The following SORCS1 variants were observed in gnomAD, a reference collection of about 807,000 sequenced individuals.
SORCS1 encodes the protein sortilin related VPS10 domain containing receptor 1, also known as VPS10 domain-containing receptor SorCS1.
In SORCS1, 60 loss-of-function variants were observed where a neutral mutation model predicts 146.1. The ratio of observed to expected loss-of-function variants is 0.41; its 90% CI spans 0.33 to 0.51. The LOEUF is 0.51. SORCS1 is among the 20% of genes least tolerant of loss of function. SORCS1 has a pLI of 0.21. For missense variants in SORCS1, 1,352 were observed against 1,487.6 expected, an observed-to-expected ratio of 0.91 and a Z score of 1.50; for synonymous variants, 637 against 584.0, an observed-to-expected ratio of 1.09 and a Z score of -1.31.
chr10:107,054,018 T>C (rs1029876866), intron 1 of SORCS1, among the ~76,000 whole-genome samples: 1 of 152,168 alleles, frequency 6.6e-6, no homozygotes, highest in Non-Finnish European at 1.5e-5. Context: ...CCCAAACAGA[T>C]TCAGATTGAA....
In SORCS1 at chr10:106,577,076, T is replaced by C. The variant is rs886677465; in HGVS notation, c.*344A>G. ...AGAGTATTGTCCACATGCACAGGCTTAAAGCTAAAAACCCTTGTTGTCTGT... is the reference window on the plus strand; with the variant it reads ...AGAGTATTGTCCACATGCACAGGCTCAAAGCTAAAAACCCTTGTTGTCTGT... On this transcript the variant is annotated 3_prime_UTR_variant, in exon 26 of 26. Coordinates refer to ENST00000263054, the MANE Select transcript of SORCS1 (RefSeq NM_052918.5). The C allele has an allele frequency of 3.3e-6, 2 of 605,914 alleles. No homozygotes were observed. Among genetic ancestry groups the C allele is most frequent in the Non-Finnish European group, 5.0e-6 (2 of 402,848 alleles). 37.5% of individuals were successfully genotyped at this position (605,914 alleles called of 1,614,324 possible). A position where few individuals can be genotyped will look rare whatever the true frequency, so the allele number is the denominator to read the frequency against.
At chr10:107,136,270 G>A (rs369996415) in intron 1 of SORCS1, among the ~76,000 whole-genome samples, 4 of 152,176 alleles carry the variant, frequency 2.6e-5, no homozygotes, top group Non-Finnish European at 5.9e-5. Context: ...ATATGCAGGG[G>A]AGAGGACAAA....
At chr10:107,177,087 A>G in the SORCS1 span, among the ~76,000 whole-genome samples, 1 of 152,000 alleles carries the variant, frequency 6.6e-6, no homozygotes. Context: ...TACTTTCATT[A>G]TTGTGAATTC....
chr10:106,649,627 T>C (rs1849712638), intron 18 of SORCS1, among the ~76,000 whole-genome samples: 2 of 152,324 alleles, frequency 1.3e-5, no homozygotes, highest in East Asian at 1.9e-4. Flanking sequence ...CTGTTAAATC[T>C]ATAGGTTAAT....
At chr10:106,874,595 G>T (rs755439507) in intron 2 of SORCS1, among the ~76,000 whole-genome samples, 1 of 152,212 alleles carries the variant, frequency 6.6e-6, no homozygotes, top group Non-Finnish European at 1.5e-5. Flanking sequence ...ACAAAACTGT[G>T]TTGCAGTAAA....
chr10:106,764,319 A>G (rs370142310), intron 4 of SORCS1, among the ~76,000 whole-genome samples: 7 of 152,228 alleles, frequency 4.6e-5, no homozygotes, highest in African/African-American at 1.4e-4. Flanking sequence ...CAACTCTGCC[A>G]TTCAAGTTAA....
intron 1 of SORCS1, among the ~76,000 whole-genome samples, chr10:106,957,221 T>C (rs1237144911): frequency 2.0e-5 from 3 of 148,012 alleles, no homozygotes; most frequent in African/African-American, 7.4e-5. Context: ...TTGCCCATAC[T>C]GGAGTGCAGT....
chr10:106,703,628 G>A (rs1854293620), intron 8 of SORCS1, among the ~76,000 whole-genome samples: 1 of 152,194 alleles, frequency 6.6e-6, no homozygotes. Context: ...TTCAGGAGTT[G>A]ATACAATGGT....
intron 22 of SORCS1, among the ~76,000 whole-genome samples, chr10:106,611,245 T>C (rs965956571): frequency 3.3e-5 from 5 of 152,166 alleles, no homozygotes; most frequent in African/African-American, 1.2e-4. Context: ...AGCCCAGACA[T>C]TGGACTCAGG....
At chr10:106,896,683 A>T (rs1168606024) in intron 2 of SORCS1, among the ~76,000 whole-genome samples, 1 of 151,504 alleles carries the variant, frequency 6.6e-6, no homozygotes, top group Non-Finnish European at 1.5e-5. Context: ...ACAGATTAAA[A>T]TGAACTTTGA....
At chr10:107,146,121 T>C (rs1170787345) in intron 1 of SORCS1, among the ~76,000 whole-genome samples, 1 of 152,182 alleles carries the variant, frequency 6.6e-6, no homozygotes, top group Non-Finnish European at 1.5e-5. Flanking sequence ...TTATCCAGTT[T>C]CAGGTATAAG....
At chr10:106,829,739 T>G in intron 2 of SORCS1, 66 bp from the exon 3 acceptor site, 1 of 1,213,644 alleles carries the variant, frequency 8.2e-7, no homozygotes, top group Non-Finnish European at 1.2e-6. Flanking sequence ...GTCAGTATAA[T>G]GCATGCTTTA....
intron 3 of SORCS1, among the ~76,000 whole-genome samples, chr10:106,780,590 C>T (rs372458888): frequency 1.3e-5 from 2 of 152,288 alleles, no homozygotes; most frequent in African/African-American, 4.8e-5. Flanking sequence ...TCATTCCTGC[C>T]TTCTGCTGCC....
chr10:106,923,123 T>G (rs1169178440), intron 2 of SORCS1, among the ~76,000 whole-genome samples: 1 of 152,156 alleles, frequency 6.6e-6, no homozygotes, highest in Non-Finnish European at 1.5e-5. Context: ...TCTCTTGACC[T>G]CGTGATCCGC....
intron 16 of SORCS1, 79 bp from the exon 17 acceptor site, chr10:106,667,881 A>G: frequency 1.2e-6 from 1 of 860,866 alleles, no homozygotes; most frequent in South Asian, 1.5e-5. Context: ...TCCACAGCCA[A>G]GTTCCACACT....
Position 106,575,375 on chromosome 10 carries a change from C to G in SORCS1, c.*2045G>C, listed in dbSNP as rs1013681716. 1 of 152,186 alleles carries G rather than the reference C, an allele frequency of 6.6e-6. No individual in the cohort carries two copies. The highest frequency in any genetic ancestry group is 1.5e-5 in the Non-Finnish European group (1 of 68,058). The allele number at this position is 152,186 out of a possible 1,614,324, so 9.4% of individuals were successfully genotyped here. A position where few individuals can be genotyped will look rare whatever the true frequency, so the allele number is the denominator to read the frequency against. On this transcript the variant is annotated 3_prime_UTR_variant, in exon 26 of 26. Transcript: ENST00000263054. Reference sequence around the variant, plus strand: ...TACATGAAGTCATGGACATCAGGATCTTTAGGACACCCTCATTATCACCAG... The same window carrying G: ...TACATGAAGTCATGGACATCAGGATGTTTAGGACACCCTCATTATCACCAG...
chr10:106,742,687 T>C (rs1857446576), intron 5 of SORCS1, among the ~76,000 whole-genome samples: 1 of 152,136 alleles, frequency 6.6e-6, no homozygotes, highest in Admixed American at 6.6e-5. Flanking sequence ...GCCAATTTCA[T>C]ACAATACGTT....
chr10:106,601,964 G>C (rs1846268935), intron 23 of SORCS1, among the ~76,000 whole-genome samples: 1 of 152,190 alleles, frequency 6.6e-6, no homozygotes, highest in Non-Finnish European at 1.5e-5. Context: ...GTCACACAGT[G>C]ATGGTTACCA....
At chr10:107,115,748 G>C (rs1238740717) in intron 1 of SORCS1, among the ~76,000 whole-genome samples, 1 of 151,948 alleles carries the variant, frequency 6.6e-6, no homozygotes. Context: ...ACAAACAAAT[G>C]GGAGTACATA....
Sources: allele counts gnomAD v4.1 joint callset (sites outside exome capture counted in the v4.1 genomes callset), GRCh38; gene constraint gnomAD v4.1.1; transcripts MANE v1.5; gene names NCBI Gene and HGNC (gene_info 2026-07-23, HGNC 2026-07-21).